HECTD2: variants seen among roughly 807,000 people sequenced by gnomAD.
HECTD2 encodes probable E3 ubiquitin-protein ligase HECTD2.
Under a neutral mutation model 103.2 loss-of-function variants are expected in HECTD2, and 35 were observed. The observed-to-expected ratio is 0.34, with a 90% confidence interval of 0.26 to 0.45. HECTD2 has a LOEUF of 0.45. Among genes scored for constraint, HECTD2 ranks in the 20% least tolerant of loss-of-function variants. The pLI, the probability that HECTD2 is intolerant of heterozygous loss-of-function variation, is 1.00. For synonymous variants in HECTD2, 281 were observed against 329.9 expected, an observed-to-expected ratio of 0.85 and a Z score of 1.61; for missense variants, 596 against 937.4, an observed-to-expected ratio of 0.64 and a Z score of 4.76.
At chr10:91,505,395 A>C (rs1029089977) in intron 20 of HECTD2, among the ~76,000 whole-genome samples, 1 of 152,190 alleles carries the variant, frequency 6.6e-6, no homozygotes, top group Non-Finnish European at 1.5e-5. Context: ...ATGCAGGGAC[A>C]CACATAGGCT....
chr10:91,472,754 A>G (rs1845770878), intron 5 of HECTD2, among the ~76,000 whole-genome samples: 1 of 152,236 alleles, frequency 6.6e-6, no homozygotes, highest in African/African-American at 2.4e-5. Context: ...GTGACATAAC[A>G]TCTCACACCA....
chr10:91,465,983 T>C (rs1309805690), intron 5 of HECTD2, among the ~76,000 whole-genome samples: 3 of 152,202 alleles, frequency 2.0e-5, no homozygotes, highest in African/African-American at 4.8e-5. Context: ...GCTTCTGTTT[T>C]CTGGAAGAAA....
chr10:91,446,110 C>G (rs1462734748), intron 2 of HECTD2, among the ~76,000 whole-genome samples: 2 of 151,988 alleles, frequency 1.3e-5, no homozygotes, highest in African/African-American at 2.4e-5. Flanking sequence ...TTGACCAACA[C>G]CACATACAGG....
intron 5 of HECTD2, among the ~76,000 whole-genome samples, chr10:91,474,806 G>A (rs992501849): frequency 6.6e-6 from 1 of 152,158 alleles, no homozygotes; most frequent in Non-Finnish European, 1.5e-5. Flanking sequence ...AGAAGATAGG[G>A]CAATGTAATA....
chr10:91,511,853 C>T (rs890491749), intron 20 of HECTD2, among the ~76,000 whole-genome samples: 1 of 152,052 alleles, frequency 6.6e-6, no homozygotes, highest in Non-Finnish European at 1.5e-5. Context: ...ATTAAACAAC[C>T]TGATTAGGTT....
Position 91,496,351 on chromosome 10 carries a change from C to T in HECTD2, c.1659C>T (p.Asp553=), listed in dbSNP as rs144840689. 1.4e-4 allele frequency: 232 copies of T among 1,610,036 alleles called. No individual in the cohort carries two copies. Among genetic ancestry groups the T allele is most frequent in the East Asian group, 3.1e-4 (14 of 44,774 alleles). ...TAGGCATCTGCAATGTTACCGTGGA[C>T]GACTTATGTCAAATTATGCCTGTAA... ...IPVGICNVTV[D]DLCQIMPELA... is the part of the protein sequence containing the mutation. The change falls in exon 15 of 21, where the codon GAC becomes GAT. Residue 553 remains aspartate (D), a synonymous_variant. Coordinates refer to ENST00000298068, the MANE Select transcript of HECTD2 (RefSeq NM_182765.6).
At chr10:91,460,880 T>C (rs933619669) in intron 3 of HECTD2, among the ~76,000 whole-genome samples, 1 of 152,148 alleles carries the variant, frequency 6.6e-6, no homozygotes, top group African/African-American at 2.4e-5. Context: ...TCATTTATGA[T>C]GTGACACATA....
intron 20 of HECTD2, among the ~76,000 whole-genome samples, chr10:91,509,112 T>C (rs1215738870): frequency 6.3e-5 from 7 of 111,420 alleles, no homozygotes; most frequent in Admixed American, 1.3e-4. Context: ...CATCACACTC[T>C]GGGGACTGTT....
At chr10:91,498,739 A>C in intron 16 of HECTD2, 133 bp from the exon 17 acceptor site, 1 of 603,028 alleles carries the variant, frequency 1.7e-6, no homozygotes, top group South Asian at 2.3e-5. Context: ...ATATTGCAAG[A>C]GCTTAGCCTT....
At chr10:91,432,414 A>G (rs1308719180) in intron 2 of HECTD2, among the ~76,000 whole-genome samples, 1 of 151,932 alleles carries the variant, frequency 6.6e-6, no homozygotes, top group African/African-American at 2.4e-5. Context: ...ATGCCTGTCA[A>G]ATTGACTGTC....
At chr10:91,489,502 G>C (rs979219348) in intron 11 of HECTD2, 4 of 152,090 alleles carry the variant, frequency 2.6e-5, no homozygotes, top group African/African-American at 9.7e-5. Flanking sequence ...TTTTCATTTG[G>C]AGCATTTTCC....
rs1847517858 is a variant in HECTD2 at position 91,513,889 on chromosome 10, G to T, written c.*1505G>T. 1 of 152,600 alleles carries T rather than the reference G, an allele frequency of 6.6e-6. No homozygotes were observed. Among genetic ancestry groups the T allele is most frequent in the Non-Finnish European group, 1.5e-5 (1 of 68,036 alleles). 9.5% of individuals were successfully genotyped at this position (152,600 alleles called of 1,614,324 possible). On this transcript the variant is annotated 3_prime_UTR_variant, in exon 21 of 21. Transcript: ENST00000298068. ...CCAACCCACAAATCTTTGAGGAAAAGGGGTCACTTTGTTTACTATTCTCTT... is the reference window on the plus strand; with the variant it reads ...CCAACCCACAAATCTTTGAGGAAAATGGGTCACTTTGTTTACTATTCTCTT...
intron 20 of HECTD2, among the ~76,000 whole-genome samples, chr10:91,511,921 G>C (rs1206689911): frequency 1.3e-5 from 2 of 152,168 alleles, no homozygotes; most frequent in Non-Finnish European, 2.9e-5. Context: ...ACTGGGATTT[G>C]GGGATATTAT....
chr10:91,507,852 C>A (rs1287253098), intron 20 of HECTD2, among the ~76,000 whole-genome samples: 2 of 125,800 alleles, frequency 1.6e-5, no homozygotes, highest in South Asian at 2.5e-4. Flanking sequence ...GGAGGCATCA[C>A]ACTACCTGAC....
chr10:91,485,710 T>C (rs1846242305), intron 10 of HECTD2: 1 of 155,792 alleles, frequency 6.4e-6, no homozygotes, highest in African/African-American at 2.4e-5. Context: ...TGTAAATGAA[T>C]AGATATGTCT....
At chr10:91,475,219 T>C (rs1207629633) in intron 5 of HECTD2, among the ~76,000 whole-genome samples, 1 of 152,182 alleles carries the variant, frequency 6.6e-6, no homozygotes, top group Non-Finnish European at 1.5e-5. Context: ...GAAGGCCTTG[T>C]AGTAGTTGAA....
intron 1 of HECTD2, 48 bp from the exon 2 acceptor site, chr10:91,425,233 T>G (rs1020626777): frequency 7.4e-6 from 10 of 1,342,896 alleles, no homozygotes; most frequent in African/African-American, 3.0e-5. Flanking sequence ...ATAAAATAAT[T>G]TATAGGTAGT....
Position 91,512,290 on chromosome 10 carries a change from A to G in HECTD2, c.2237A>G (p.Asn746Ser), listed in dbSNP as rs747174730. 3 of 1,613,626 alleles carry G rather than the reference A, an allele frequency of 1.9e-6. No homozygotes were observed. The highest frequency in any genetic ancestry group is 2.5e-6 in the Non-Finnish European group (3 of 1,179,852). ...NCLPVAHTCFNQLCLPPYKSK... is the reference protein window; with the variant it reads ...NCLPVAHTCFSQLCLPPYKSK... ...TTACCTGTGGCCCATACCTGCTTCA[A>G]TCAACTTTGCCTTCCCCCCTACAAG... The change falls in exon 21 of 21, where the codon AAT becomes AGT. Residue 746 changes from asparagine to serine, a missense_variant. Coordinates refer to ENST00000298068, the MANE Select transcript of HECTD2 (RefSeq NM_182765.6).
intron 5 of HECTD2, among the ~76,000 whole-genome samples, chr10:91,477,109 A>C (rs1845934416): frequency 6.6e-6 from 1 of 151,500 alleles, no homozygotes; most frequent in South Asian, 2.1e-4. Flanking sequence ...TGAACCCGGG[A>C]AGCGGAGCTT....
Sources: gnomAD v4.1 joint callset for allele counts (sites outside exome capture counted in the v4.1 genomes callset) on GRCh38, gnomAD v4.1.1 for gene constraint, MANE v1.5 for transcripts, NCBI Gene and HGNC (gene_info 2026-07-23, HGNC 2026-07-21) for gene names.